The following DCAF6 variants were observed in gnomAD, a reference collection of about 807,000 sequenced individuals.
DCAF6 encodes DDB1 and CUL4 associated factor 6.
Under a neutral mutation model 125.1 loss-of-function variants are expected in DCAF6, and 54 were observed. That is an observed-to-expected ratio of 0.43 (90% CI 0.35 to 0.54). The LOEUF (loss-of-function observed/expected upper bound fraction) is 0.54. Ranked by LOEUF, DCAF6 falls within the 20% of genes least tolerant of loss-of-function variation. DCAF6 has a pLI of 0.01. For missense variants in DCAF6, 934 were observed against 1,161.7 expected (o/e 0.80, Z 2.85); for synonymous variants, 371 against 390.4 (o/e 0.95, Z 0.58).
intron 1 of DCAF6, among the ~76,000 whole-genome samples, chr1:167,946,952 A>G (rs1673174967): frequency 6.6e-6 from 1 of 152,122 alleles, no homozygotes. Context: ...TATTGATATT[A>G]CTTCTTCTTT....
At chr1:168,010,194 A>G (rs1684086895) in intron 10 of DCAF6, among the ~76,000 whole-genome samples, 1 of 152,154 alleles carries the variant, frequency 6.6e-6, no homozygotes, top group Admixed American at 6.5e-5. Flanking sequence ...CTGAGTAGAT[A>G]ATTGTTCTTA....
intron 16 of DCAF6, among the ~76,000 whole-genome samples, chr1:168,049,441 T>TTG (rs917344482): frequency 3.4e-5 from 5 of 147,052 alleles, no homozygotes; most frequent in Non-Finnish European, 1.5e-5. Context: ...GTTTTTTTTT[T>TTG]TTTTTTTTTT....
At chr1:168,011,027 C>T (rs1306578934) in intron 10 of DCAF6, among the ~76,000 whole-genome samples, 1 of 151,600 alleles carries the variant, frequency 6.6e-6, no homozygotes, top group African/African-American at 2.4e-5. Flanking sequence ...TAAAATTCAC[C>T]TTTAGGGCTC....
At chr1:167,994,821 A>T (rs2103027453) in intron 7 of DCAF6, among the ~76,000 whole-genome samples, 1 of 152,104 alleles carries the variant, frequency 6.6e-6, no homozygotes, top group Admixed American at 6.5e-5. Context: ...ATTGATTTTT[A>T]TTTTCAGTGA....
chr1:167,928,266 T>G, the DCAF6 span, among the ~76,000 whole-genome samples: 1 of 146,768 alleles, frequency 6.8e-6, no homozygotes, highest in Admixed American at 6.9e-5. Flanking sequence ...GAGAATGGCG[T>G]GAAGCCGGGA....
At chr1:167,963,450 TTC>T (rs1675931294) in intron 2 of DCAF6, among the ~76,000 whole-genome samples, 1 of 150,530 alleles carries the variant, frequency 6.6e-6, no homozygotes, top group African/African-American at 2.4e-5. Flanking sequence ...TTTTTTTTTT[TTC>T]CCTTTTGAGA....
chr1:167,875,920 T>C, the DCAF6 span, among the ~76,000 whole-genome samples: 1 of 151,614 alleles, frequency 6.6e-6, no homozygotes, highest in Non-Finnish European at 1.5e-5. Context: ...ACCACTGCAC[T>C]CCAGCGTGGG....
At chr1:167,980,921 T>C (rs973810518) in intron 4 of DCAF6, among the ~76,000 whole-genome samples, 7 of 148,522 alleles carry the variant, frequency 4.7e-5, no homozygotes, top group Non-Finnish European at 1.0e-4. Context: ...ATTTTCTTTT[T>C]TTTTTTTTTT....
intron 10 of DCAF6, among the ~76,000 whole-genome samples, chr1:168,014,282 T>C (rs1181866374): frequency 6.6e-6 from 1 of 152,230 alleles, no homozygotes; most frequent in Non-Finnish European, 1.5e-5. Context: ...TCTCTTTTAG[T>C]ATACTAGCAG....
chr1:167,997,277 T>C (rs1051393807), intron 7 of DCAF6, among the ~76,000 whole-genome samples: 37 of 152,310 alleles, frequency 2.4e-4, no homozygotes, highest in Middle Eastern at 3.4e-3. Flanking sequence ...TAAAAATTCC[T>C]CTCTGTTGAA....
chr1:167,965,841 G>A (rs1252038522), intron 2 of DCAF6, among the ~76,000 whole-genome samples: 1 of 152,084 alleles, frequency 6.6e-6, no homozygotes, highest in Non-Finnish European at 1.5e-5. Context: ...CGCCATATTG[G>A]TCAGGCTGGT....
chr1:167,880,460 A>G, the DCAF6 span: 1 of 1,520,530 alleles, frequency 6.6e-7, no homozygotes, highest in African/African-American at 1.4e-5. Flanking sequence ...AGGGTCAGGG[A>G]CCGCTGGGTG....
chr1:167,910,490 G>A, the DCAF6 span, among the ~76,000 whole-genome samples: 1 of 152,140 alleles, frequency 6.6e-6, no homozygotes, highest in Admixed American at 6.5e-5. Flanking sequence ...CTAAGTGGGG[G>A]ACATGGGTGT....
At chr1:167,944,124 G>A (rs1672698484) in intron 1 of DCAF6, among the ~76,000 whole-genome samples, 1 of 152,154 alleles carries the variant, frequency 6.6e-6, no homozygotes, top group Non-Finnish European at 1.5e-5. Context: ...TCACAGGGGT[G>A]AGCCACCACG....
At chr1:167,885,781 A>G in the DCAF6 span, among the ~76,000 whole-genome samples, 1 of 151,778 alleles carries the variant, frequency 6.6e-6, no homozygotes, top group Admixed American at 6.6e-5. Flanking sequence ...CGCCCAGCTA[A>G]TTTTTTGTAT....
the DCAF6 span, among the ~76,000 whole-genome samples, chr1:167,885,640 G>A: frequency 6.8e-4 from 103 of 151,088 alleles, no homozygotes; most frequent in Non-Finnish European, 1.2e-3. Context: ...TTTTTGAGAC[G>A]GAGTCTCACT....
At chr1:167,944,316 C>A (rs1472362320) in intron 1 of DCAF6, among the ~76,000 whole-genome samples, 1 of 152,040 alleles carries the variant, frequency 6.6e-6, no homozygotes, top group African/African-American at 2.4e-5. Context: ...AATTTCTTTT[C>A]TTTTTGTAAA....
rs140678533 is a variant in DCAF6 at position 167,942,059 on chromosome 1, T to G, written c.97+5051T>G. On this transcript the variant is annotated intron_variant, in intron 1 of 21. Coordinates refer to ENST00000367840, the MANE Select transcript of DCAF6 (RefSeq NM_001198956.2). The stretch of plus-strand genomic sequence containing the variant: ...TGTAGAAATATATCATTGTTTTAAT[T>G]TGCATTTCTCTTTTTTTGTTTTTGA... Among the ~76,000 whole-genome samples the G allele has an allele frequency of 2.5e-3, 388 of 152,306 alleles. 1 individual carries two copies. Among genetic ancestry groups the G allele is most frequent in the Non-Finnish European group, 4.7e-3 (319 of 68,024 alleles).
intron 17 of DCAF6, chr1:168,056,524 A>C: frequency 2.0e-6 from 1 of 501,514 alleles, no homozygotes; most frequent in East Asian, 5.0e-5. Context: ...ATAAATTCAC[A>C]CTCAATTTAT....
Sources: allele counts gnomAD v4.1 joint callset (sites outside exome capture counted in the v4.1 genomes callset), GRCh38; gene constraint gnomAD v4.1.1; transcripts MANE v1.5; gene names NCBI Gene and HGNC (gene_info 2026-07-23, HGNC 2026-07-21).